The following ANAPC1 variants were observed in gnomAD, a reference collection of about 807,000 sequenced individuals.
The protein encoded by ANAPC1 is anaphase promoting complex subunit 1.
In ANAPC1, 36 loss-of-function variants were observed where a neutral mutation model predicts 208.0. The observed-to-expected ratio is 0.17, with a 90% confidence interval of 0.13 to 0.23. The LOEUF (loss-of-function observed/expected upper bound fraction) is 0.23. Among genes scored for constraint, ANAPC1 ranks in the 10% least tolerant of loss-of-function variants. The probability of loss-of-function intolerance (pLI) is 1.00; values close to 1 mark genes in which losing one functional copy is unlikely to be tolerated. For missense variants in ANAPC1, 942 were observed against 2,011.6 expected, an observed-to-expected ratio of 0.47 and a Z score of 10.17; for synonymous variants, 378 against 695.2, an observed-to-expected ratio of 0.54 and a Z score of 7.18.
At chr2:111,829,622 A>G (rs1680023985) in intron 21 of ANAPC1, among the ~76,000 whole-genome samples, 1 of 152,212 alleles carries the variant, frequency 6.6e-6, no homozygotes, top group Admixed American at 6.5e-5. Flanking sequence ...TTGGACATGT[A>G]TTAACCAGTA....
chr2:111,826,003 A>T (rs1373692382), intron 21 of ANAPC1, 148 bp from the exon 22 acceptor site: 1 of 559,774 alleles, frequency 1.8e-6, no homozygotes, highest in East Asian at 3.2e-5. Flanking sequence ...CAGTCTCCAG[A>T]GTAGCTAGGA....
intron 47 of ANAPC1, among the ~76,000 whole-genome samples, chr2:111,769,918 G>A (rs1458068874): frequency 9.9e-5 from 15 of 151,410 alleles, no homozygotes; most frequent in Admixed American, 2.0e-4. Context: ...TCCTGACCTC[G>A]TGATCCGCCC....
At chr2:111,845,133 C>T (rs1680986331) in intron 16 of ANAPC1, among the ~76,000 whole-genome samples, 1 of 152,204 alleles carries the variant, frequency 6.6e-6, no homozygotes, top group South Asian at 2.1e-4. Flanking sequence ...CAAGCATGAG[C>T]CCACCACACC....
Position 111,821,519 on chromosome 2 carries a change from G to A in ANAPC1, c.2992-66C>T, listed in dbSNP as rs1679533672. On this transcript the variant is annotated intron_variant, in intron 25 of 47. Transcript: ENST00000341068. ...GTTAACATGCACTTGCTGAACATGA[G>A]GATATATAGGCTGATGTGTCTTGAC... 7 of 1,450,232 alleles carry A rather than the reference G, an allele frequency of 4.8e-6. No homozygotes were observed. The Admixed American group carries it at 1.2e-4, about 25-fold the overall frequency. 89.8% of individuals were successfully genotyped at this position (1,450,232 alleles called of 1,614,324 possible).
At chr2:111,791,159 A>C (rs1241826986) in intron 38 of ANAPC1, among the ~76,000 whole-genome samples, 1 of 151,906 alleles carries the variant, frequency 6.6e-6, no homozygotes, top group Non-Finnish European at 1.5e-5. Context: ...GTTGGCTATT[A>C]AAAGTGTAAA....
At chr2:111,833,597 A>C (rs1252853850) in intron 19 of ANAPC1, among the ~76,000 whole-genome samples, 1 of 149,634 alleles carries the variant, frequency 6.7e-6, no homozygotes, top group Non-Finnish European at 1.5e-5. Flanking sequence ...TCATGTCTAT[A>C]AACCTCAGTA....
At chr2:111,871,945 A>G (rs1279909272) in intron 6 of ANAPC1, among the ~76,000 whole-genome samples, 5 of 152,322 alleles carry the variant, frequency 3.3e-5, no homozygotes, top group Middle Eastern at 3.4e-3. Flanking sequence ...AAATAGTGAT[A>G]GTATGACTTC....
At chr2:111,859,311 C>T (rs184764619) in intron 10 of ANAPC1, among the ~76,000 whole-genome samples, 2 of 151,896 alleles carry the variant, frequency 1.3e-5, no homozygotes, top group Non-Finnish European at 2.9e-5. Flanking sequence ...GGAGAAACCC[C>T]GTCTCTACTA....
chr2:111,787,218 G>C (rs1201356405), intron 39 of ANAPC1, among the ~76,000 whole-genome samples: 1 of 149,144 alleles, frequency 6.7e-6, no homozygotes, highest in Non-Finnish European at 1.5e-5. Context: ...AAGCCAAATA[G>C]CTATGACCAG....
At chr2:111,796,231 A>AAAAAT (rs937499645) in intron 34 of ANAPC1, among the ~76,000 whole-genome samples, 5 of 150,020 alleles carry the variant, frequency 3.3e-5, no homozygotes, top group African/African-American at 7.3e-5. Flanking sequence ...TCTCAGTCTC[A>AAAAAT]AAAATAAAAT....
chr2:111,866,845 C>T (rs1682451469), intron 7 of ANAPC1, among the ~76,000 whole-genome samples: 1 of 148,686 alleles, frequency 6.7e-6, no homozygotes, highest in African/African-American at 2.5e-5. Flanking sequence ...ATCCCAGGCT[C>T]TAGTATGTTT....
In ANAPC1 at chr2:111,821,256, G is replaced by A. The variant is rs199837741; in HGVS notation, c.3189C>T (p.Ile1063=). ...QYPELSDHEF[I]EEKENRLLQL... The stretch of plus-strand genomic sequence containing the variant: ...TCTTTCACCTGTTTTCCTTTTCCTC[G>A]ATGAACTCGTGGTCACTGAGCTCTG... Residue 1063 remains isoleucine (I), a synonymous_variant, in exon 26 of 48, where the codon ATC becomes ATT. Transcript: ENST00000341068. The A allele has an allele frequency of 1.7e-5, 28 of 1,611,310 alleles. No homozygotes were observed. The highest frequency in any genetic ancestry group is 1.2e-4 in the South Asian group (11 of 90,938).
chr2:111,834,970 C>T (rs1680385851), intron 18 of ANAPC1, 98 bp from the exon 19 acceptor site: 1 of 1,122,422 alleles, frequency 8.9e-7, no homozygotes, highest in Non-Finnish European at 1.2e-6. Flanking sequence ...GTTTCATTTT[C>T]ACATTAAGTT....
rs541940832 is a variant in ANAPC1, at chr2:111,772,452, C to G, written c.5608G>C (p.Ala1870Pro). 1.3e-6 allele frequency: 2 copies of G among 1,543,274 alleles called. No individual in the cohort carries two copies. The highest frequency in any genetic ancestry group is 1.8e-6 in the Non-Finnish European group (2 of 1,130,186). Residue 1870 changes from alanine to proline, a missense_variant, in exon 47 of 48, where the codon GCC (alanine) becomes CCC (proline). By Grantham distance (27) the Ala-to-Pro change is conservative (BLOSUM62 -1). Coordinates refer to ENST00000341068, the MANE Select transcript of ANAPC1 (RefSeq NM_022662.4). ...TCCAAGGGCTGCCCGCTGAGGTAGG[C>G]GTGCACACACATATCACCCCCGACT... Reference protein sequence around the residue: ...LQVGGDMCVHAYLSGQPLEES... With the variant: ...LQVGGDMCVHPYLSGQPLEES...
chr2:111,831,817 ACT>A (rs1680150660), intron 20 of ANAPC1, among the ~76,000 whole-genome samples: 1 of 87,478 alleles, frequency 1.1e-5, no homozygotes, highest in South Asian at 4.3e-4. Context: ...ACAGAGCGAG[ACT>A]CTGTCTCAAA....
chr2:111,862,747 T>A, intron 9 of ANAPC1, 149 bp from the exon 10 acceptor site: 1 of 887,274 alleles, frequency 1.1e-6, no homozygotes, highest in Non-Finnish European at 1.7e-6. Flanking sequence ...CAAAAAGGAG[T>A]AGCTATTTAA....
intron 13 of ANAPC1, chr2:111,856,337 TTA>T: frequency 1.2e-5 from 3 of 253,754 alleles, no homozygotes; most frequent in East Asian, 7.2e-5. Flanking sequence ...AACTTTAACT[TTA>T]AAAAAAAAAA....
chr2:111,844,451 C>T (rs1286047683), intron 16 of ANAPC1, among the ~76,000 whole-genome samples: 1 of 151,608 alleles, frequency 6.6e-6, no homozygotes, highest in African/African-American at 2.4e-5. Context: ...CACCTGTAAT[C>T]CCAGCTACTC....
rs1677119147 is a variant in ANAPC1 at position 111,778,726 on chromosome 2, A to G, written c.5334T>C (p.Cys1778=). Residue 1778 remains cysteine, a synonymous_variant, in exon 45 of 48, where the codon TGT becomes TGC. Coordinates refer to ENST00000341068, the MANE Select transcript of ANAPC1 (RefSeq NM_022662.4). ...LDLFSSVLYE[C]VTQETPEMLP... is the part of the protein sequence containing the mutation. ...ACATCTCTGGGGTCTCCTGGGTAACACATTCATAGAGTACTGAAGAAAAGA... is the reference window on the plus strand; with the variant it reads ...ACATCTCTGGGGTCTCCTGGGTAACGCATTCATAGAGTACTGAAGAAAAGA... The G allele has an allele frequency of 1.2e-6, 2 of 1,606,446 alleles. No homozygotes were observed. Among genetic ancestry groups the G allele is most frequent in the Non-Finnish European group, 1.7e-6 (2 of 1,177,422 alleles).
Sources: allele counts gnomAD v4.1 joint callset (sites outside exome capture counted in the v4.1 genomes callset), GRCh38; gene constraint gnomAD v4.1.1; transcripts MANE v1.5; gene names NCBI Gene and HGNC (gene_info 2026-07-23, HGNC 2026-07-21).